ABCG2: variants seen among roughly 807,000 people sequenced by gnomAD.
ABCG2 encodes broad substrate specificity ATP-binding cassette transporter ABCG2.
Under a neutral mutation model 73.5 loss-of-function variants are expected in ABCG2, and 80 were observed. The ratio of observed to expected loss-of-function variants is 1.09; its 90% CI spans 0.91 to 1.31. The LOEUF (loss-of-function observed/expected upper bound fraction) is 1.31, where lower values mean the gene tolerates loss of function less well. Ranked by LOEUF, ABCG2 falls within the 50% of genes most tolerant of loss-of-function variation. The probability of loss-of-function intolerance (pLI) is 0.00; values close to 1 mark genes in which losing one functional copy is unlikely to be tolerated. For missense variants in ABCG2, 796 were observed against 786.2 expected (o/e 1.01, Z -0.15); for synonymous variants, 269 against 282.4 (o/e 0.95, Z 0.48).
chr4:88,139,885 T>G lies in ABCG2; in HGVS notation c.111A>C (p.Leu37Phe). Residue 37 changes from leucine to phenylalanine, a missense_variant, in exon 2 of 16, where the codon TTA becomes TTC. By Grantham distance (22) the Leu-to-Phe change is conservative (BLOSUM62 0). Coordinates refer to ENST00000237612, the MANE Select transcript of ABCG2 (RefSeq NM_004827.3). ...DLKAFTEGAVLSFHNICYRVK... is the reference protein window; with the variant it reads ...DLKAFTEGAVFSFHNICYRVK... The stretch of plus-strand genomic sequence containing the variant: ...CTCGATAGCAGATGTTATGAAAACT[T>G]AACACAGCTCCTTCAGTAAATGCCT... The G allele has an allele frequency of 6.2e-7, 1 of 1,614,184 alleles. No individual in the cohort carries two copies. Among genetic ancestry groups the G allele is most frequent in the Non-Finnish European group, 8.5e-7 (1 of 1,180,024 alleles).
intron 5 of ABCG2, among the ~76,000 whole-genome samples, chr4:88,127,790 A>T (rs1724536065): frequency 6.6e-6 from 1 of 152,122 alleles, no homozygotes; most frequent in Admixed American, 6.5e-5. Flanking sequence ...TAAATGTAAG[A>T]CCTAAAACTG....
intron 1 of ABCG2, among the ~76,000 whole-genome samples, chr4:88,155,885 G>C (rs915691384): frequency 2.0e-5 from 3 of 151,884 alleles, no homozygotes; most frequent in Non-Finnish European, 1.5e-5. Context: ...CTCTGGCCTG[G>C]AGCAAGACTC....
intron 1 of ABCG2, among the ~76,000 whole-genome samples, chr4:88,224,321 C>T (rs942570165): frequency 2.0e-5 from 3 of 152,046 alleles, no homozygotes; most frequent in Admixed American, 6.6e-5. Context: ...GCCTGTAGTC[C>T]CAGCTCCTAG....
At chr4:88,105,445 G>A (rs1722708926) in intron 10 of ABCG2, among the ~76,000 whole-genome samples, 1 of 152,110 alleles carries the variant, frequency 6.6e-6, no homozygotes, top group Admixed American at 6.6e-5. Context: ...AGAACTCTGA[G>A]GGCTGTGAAA....
chr4:88,215,582 G>C (rs1236919799), intron 1 of ABCG2, among the ~76,000 whole-genome samples: 4 of 152,340 alleles, frequency 2.6e-5, no homozygotes, highest in Non-Finnish European at 5.9e-5. Context: ...CAAGGCTGCA[G>C]TGAAAATGTG....
At chr4:88,196,699 T>C (rs1219643445) in intron 1 of ABCG2, among the ~76,000 whole-genome samples, 3 of 151,558 alleles carry the variant, frequency 2.0e-5, no homozygotes, top group African/African-American at 7.3e-5. Context: ...ACTATGAACC[T>C]CATCAGCACT....
chr4:88,115,575 T>A (rs923754447), intron 7 of ABCG2, among the ~76,000 whole-genome samples: 1 of 149,082 alleles, frequency 6.7e-6, no homozygotes, highest in Non-Finnish European at 1.5e-5. Flanking sequence ...TGAGCTACTG[T>A]TCCCAGCCTA....
intron 10 of ABCG2, 131 bp downstream of exon 10, chr4:88,107,053 G>T: frequency 1.5e-6 from 1 of 678,064 alleles, no homozygotes; most frequent in Non-Finnish European, 2.4e-6. Context: ...AAAATAAACT[G>T]ACTCATCCTA....
Position 88,095,566 on chromosome 4 carries a change from C to T in ABCG2, c.1691G>A (p.Trp564Ter), listed in dbSNP as rs1429228744. Residue 564 changes from tryptophan to a stop codon, truncating the protein, a stop_gained, in exon 14 of 16, where the codon TGG becomes TAG. Transcript: ENST00000237612. LOFTEE classifies it high-confidence loss of function. ...LLVNLTTIAS[W>*]LSWLQYFSIP... ...GCTGAAGTACTGAAGCCATGACAGC[C>T]AAGATGCAATGGTTGTGAGATTGAC... 6.2e-7 allele frequency: 1 copy of T among 1,613,770 alleles called. No homozygotes were observed.
intron 1 of ABCG2, among the ~76,000 whole-genome samples, chr4:88,211,697 G>A (rs998279027): frequency 3.0e-4 from 46 of 152,290 alleles, no homozygotes; most frequent in African/African-American, 1.0e-3. Context: ...GATTACAGGC[G>A]TGAGCCACTG....
At chr4:88,179,867 T>G (rs1469389377) in intron 1 of ABCG2, among the ~76,000 whole-genome samples, 1 of 152,002 alleles carries the variant, frequency 6.6e-6, no homozygotes, top group Non-Finnish European at 1.5e-5. Context: ...ACAGGCTATT[T>G]GAAAATACAC....
chr4:88,139,736 G>A, intron 2 of ABCG2, 57 bp downstream of exon 2: 1 of 1,494,830 alleles, frequency 6.7e-7, no homozygotes, highest in South Asian at 1.2e-5. Context: ...GCCAAAACCT[G>A]TGAGGTTCAC....
intron 2 of ABCG2, among the ~76,000 whole-genome samples, chr4:88,137,950 T>C (rs1344551814): frequency 6.6e-6 from 1 of 151,176 alleles, no homozygotes; most frequent in Non-Finnish European, 1.5e-5. Flanking sequence ...AGCCCAGGAG[T>C]TCAAGGCCAG....
At chr4:88,197,194 C>CT (rs1553945181) in intron 1 of ABCG2, among the ~76,000 whole-genome samples, 1 of 92,846 alleles carries the variant, frequency 1.1e-5, no homozygotes, top group Non-Finnish European at 2.3e-5. Context: ...TGGCTTTCAA[C>CT]AACAAAAAAA....
chr4:88,109,336 G>A (rs1040408533), intron 9 of ABCG2, among the ~76,000 whole-genome samples: 10 of 152,252 alleles, frequency 6.6e-5, no homozygotes, highest in Non-Finnish European at 1.0e-4. Context: ...GCTTTGTCAA[G>A]TTTTCATTCA....
chr4:88,152,579 A>G (rs1245485682), intron 1 of ABCG2, among the ~76,000 whole-genome samples: 1 of 152,112 alleles, frequency 6.6e-6, no homozygotes, highest in Admixed American at 6.6e-5. Context: ...GGAATTTCAC[A>G]AGGTAATGTC....
chr4:88,163,910 C>T (rs1727412428), upstream of ABCG2: 1 of 160,180 alleles, frequency 6.2e-6, no homozygotes, highest in Non-Finnish European at 1.4e-5. Context: ...TCCTGGTTAC[C>T]TATATACTTG....
At chr4:88,195,107 A>G (rs559251613) in intron 1 of ABCG2, among the ~76,000 whole-genome samples, 13 of 152,236 alleles carry the variant, frequency 8.5e-5, no homozygotes, top group African/African-American at 3.1e-4. Context: ...GGGGGCTCAC[A>G]CCTATAATCC....
At chr4:88,116,457 G>A (rs537741537) in intron 7 of ABCG2, among the ~76,000 whole-genome samples, 1 of 151,642 alleles carries the variant, frequency 6.6e-6, no homozygotes, top group Non-Finnish European at 1.5e-5. Context: ...GGATCATAGG[G>A]AATCATTTGT....
Sources: gnomAD v4.1 joint callset for allele counts (sites outside exome capture counted in the v4.1 genomes callset) on GRCh38, gnomAD v4.1.1 for gene constraint, MANE v1.5 for transcripts, NCBI Gene and HGNC (gene_info 2026-07-23, HGNC 2026-07-21) for gene names.